The following DZIP1L variants were observed in gnomAD, a reference collection of about 807,000 sequenced individuals.
DZIP1L encodes DAZ interacting zinc finger protein 1 like, also known as cilium assembly protein DZIP1L.
In DZIP1L, 90 loss-of-function variants were observed where a neutral mutation model predicts 88.7. The ratio of observed to expected loss-of-function variants is 1.02; its 90% CI spans 0.86 to 1.21. The LOEUF is 1.21. DZIP1L is among the 50% of genes most tolerant of loss of function. The probability of loss-of-function intolerance (pLI) is 0.00; values close to 1 mark genes in which losing one functional copy is unlikely to be tolerated. For missense variants in DZIP1L, 932 were observed against 955.8 expected, an observed-to-expected ratio of 0.98 and a Z score of 0.33; for synonymous variants, 363 against 372.1, an observed-to-expected ratio of 0.98 and a Z score of 0.28.
chr3:138,063,281 G>A lies in DZIP1L; in HGVS notation c.2143-304C>T, dbSNP rs1163453068. ...TTGCTCTCATTTTCACTTCAACTTT[G>A]GGCAGATTTTTAACTCCCTCTTGGA... On this transcript the variant is annotated intron_variant, in intron 15 of 15. Transcript: ENST00000327532. The surrounding 1 kb of genome is among the most constrained non-coding windows in gnomAD (Gnocchi z 4.1). Among the ~76,000 whole-genome samples, 1 of 152,150 alleles carries A rather than the reference G, an allele frequency of 6.6e-6. No homozygotes were observed. Among genetic ancestry groups the A allele is most frequent in the Non-Finnish European group, 1.5e-5 (1 of 68,026 alleles).
chr3:138,086,891 T>G, intron 7 of DZIP1L, 70 bp downstream of exon 7: 1 of 1,524,544 alleles, frequency 6.6e-7, no homozygotes, highest in Non-Finnish European at 9.0e-7. Flanking sequence ...TGAGGGGGCG[T>G]GGAGAATGCT....
chr3:138,101,133 C>T (rs1210553615), intron 2 of DZIP1L, among the ~76,000 whole-genome samples: 2 of 152,136 alleles, frequency 1.3e-5, no homozygotes, highest in Non-Finnish European at 2.9e-5. Flanking sequence ...CCTTCTTCTA[C>T]ATACTCATCC....
intron 11 of DZIP1L, 21 bp downstream of exon 11, chr3:138,077,478 A>T: frequency 6.2e-7 from 1 of 1,613,732 alleles, no homozygotes; most frequent in South Asian, 1.1e-5. Flanking sequence ...CAGCCCTTAA[A>T]ACGATGGCCC....
At chr3:138,075,376 C>T (rs1055721897) in intron 11 of DZIP1L, among the ~76,000 whole-genome samples, 2 of 152,186 alleles carry the variant, frequency 1.3e-5, no homozygotes, top group Non-Finnish European at 2.9e-5. Flanking sequence ...GCACATGGAA[C>T]ATTCTCCAAG....
rs772886047 is a variant in DZIP1L at position 138,103,737 on chromosome 3, C to A, written c.235G>T (p.Val79Leu). The change falls in exon 2 of 16, where the codon GTG (valine) becomes TTG (leucine). Residue 79 changes from valine to leucine, a missense_variant. Physicochemically the swap from Val to Leu is conservative, Grantham distance 32. Coordinates refer to ENST00000327532, the MANE Select transcript of DZIP1L (RefSeq NM_173543.3). ...AGCACCTTGAGCAGTGCCGGGTCCA[C>A]AGGCTGCCCACAGCGGCTGCACACC... Reference protein sequence around the residue: ...REVCSRCGQPVDPALLKVLRL... With the variant: ...REVCSRCGQPLDPALLKVLRL... 8.1e-6 allele frequency: 13 copies of A among 1,613,740 alleles called. No homozygotes were observed. The highest frequency in any genetic ancestry group is 1.1e-5 in the Non-Finnish European group (13 of 1,180,040).
chr3:138,097,802 C>T lies in DZIP1L; in HGVS notation c.547G>A (p.Gly183Ser), dbSNP rs1354250404. ...KTFMNATFLR[G>S]HIQRRHAGVA... The stretch of plus-strand genomic sequence containing the variant: ...CCTGCATGCCTGCGCTGGATGTGGC[C>T]CCGGAGAAAGGTGGCATTCATGAAT... Residue 183 changes from glycine to serine, a missense_variant, in exon 3 of 16, where the codon GGC (glycine) becomes AGC (serine). Transcript: ENST00000327532. The T allele has an allele frequency of 6.2e-7, 1 of 1,613,222 alleles. No homozygotes were observed. The highest frequency in any genetic ancestry group is 8.5e-7 in the Non-Finnish European group (1 of 1,179,696).
chr3:138,083,913 G>A (rs555792543), intron 8 of DZIP1L, among the ~76,000 whole-genome samples, 200 bp downstream of exon 8: 419 of 152,234 alleles, frequency 2.8e-3, no homozygotes, highest in African/African-American at 9.0e-3. Context: ...AGCCCCTAAG[G>A]AGATGGCACA....
intron 15 of DZIP1L, 34 bp downstream of exon 15, chr3:138,064,594 T>A (rs1439839465): frequency 6.2e-7 from 1 of 1,614,090 alleles, no homozygotes; most frequent in Non-Finnish European, 8.5e-7. Flanking sequence ...CTGTAGAGAA[T>A]TCCAGAGTAA....
Position 138,115,562 on chromosome 3 carries a change from G to T in DZIP1L, c.-316C>A, listed in dbSNP as rs1049576356. ...CCCACTCCAGTGCCGCCAACCTGCG[G>T]GACCGCGGACAGAGAGCTCCTCGGT... On this transcript the variant is annotated 5_prime_UTR_variant, in exon 1 of 16. Transcript: ENST00000327532. 2 of 152,198 alleles carry T rather than the reference G, an allele frequency of 1.3e-5. No homozygotes were observed. The highest frequency in any genetic ancestry group is 4.8e-5 in the African/African-American group (2 of 41,438). 9.4% of individuals were successfully genotyped at this position (152,198 alleles called of 1,614,324 possible).
rs377337730 is a variant in DZIP1L, at chr3:138,067,659, C to A, written c.1874G>T (p.Arg625Leu). 6.2e-7 allele frequency: 1 copy of A among 1,607,578 alleles called. No individual in the cohort carries two copies. Among genetic ancestry groups the A allele is most frequent in the South Asian group, 1.1e-5 (1 of 89,896 alleles). The change falls in exon 14 of 16, where the codon CGT becomes CTT. Residue 625 changes from arginine (R) to leucine (L), a missense_variant. Transcript: ENST00000327532. ...FSSEEDSEGD[R>L]VQRVSLQPPK... Reference sequence around the variant, plus strand: ...GGGCTGTAGAGACACACGCTGCACACGGTCTCCCTCTGAGTCCTCTTCAGA... The same window carrying A: ...GGGCTGTAGAGACACACGCTGCACAAGGTCTCCCTCTGAGTCCTCTTCAGA...
In DZIP1L at chr3:138,101,667, A is replaced by G. The variant is rs966085532; in HGVS notation, c.501+1804T>C. 5 of 798,220 alleles carry G rather than the reference A, an allele frequency of 6.3e-6. No individual in the cohort carries two copies. In the African/African-American group the frequency reaches 6.7e-5, roughly 11 times the overall value. 49.4% of individuals were successfully genotyped at this position (798,220 alleles called of 1,614,324 possible). On this transcript the variant is annotated intron_variant, in intron 2 of 15. Transcript: ENST00000327532. ...TGAGGCCCCCATAGGCCGAGCTCAG[A>G]CCACCTGCATAGCCGCTGGTGGTCT...
intron 14 of DZIP1L, 141 bp from the exon 15 acceptor site, chr3:138,064,908 A>G (rs1294516178): frequency 1.6e-6 from 2 of 1,264,364 alleles, no homozygotes; most frequent in Non-Finnish European, 2.2e-6. Flanking sequence ...GCAACCACAA[A>G]AAAGGAGACA....
chr3:138,095,062 GCC>G, intron 3 of DZIP1L, 79 bp from the exon 4 acceptor site: 1 of 1,593,622 alleles, frequency 6.3e-7, no homozygotes, highest in Non-Finnish European at 8.5e-7. Flanking sequence ...TTGTCAATCA[GCC>G]ATACCTCGGT....
intron 1 of DZIP1L, among the ~76,000 whole-genome samples, chr3:138,111,066 C>T (rs1462506388): frequency 2.0e-5 from 3 of 152,146 alleles, no homozygotes; most frequent in Non-Finnish European, 2.9e-5. Context: ...CTCCTTCCTC[C>T]CCCACTCCCC....
In DZIP1L at chr3:138,075,829, C is replaced by T. The variant is rs1296573870; in HGVS notation, c.1422+1670G>A. Reference sequence around the variant, plus strand: ...CCCGTCTCTACTGGGTGGGGTGGCACGTGCCTGTAATCCCAGCTACTCAGG... The same window carrying T: ...CCCGTCTCTACTGGGTGGGGTGGCATGTGCCTGTAATCCCAGCTACTCAGG... On this transcript the variant is annotated intron_variant, in intron 11 of 15. Transcript: ENST00000327532. Among the ~76,000 whole-genome samples, 3 of 152,104 alleles carry T rather than the reference C, an allele frequency of 2.0e-5. No individual in the cohort carries two copies. The East Asian group carries it at 5.8e-4, about 29-fold the overall frequency.
chr3:138,064,304 G>A, intron 15 of DZIP1L: 1 of 1,178,798 alleles, frequency 8.5e-7, no homozygotes, highest in South Asian at 1.6e-5. Context: ...GATGAGACCG[G>A]GCTGGAAGAG....
chr3:138,103,474 G>T lies in DZIP1L; in HGVS notation c.498C>A (p.His166Gln). 6.3e-7 allele frequency: 1 copy of T among 1,598,268 alleles called. No homozygotes were observed. The change falls in exon 2 of 16, where the codon CAC (histidine) becomes CAA (glutamine). Residue 166 changes from histidine (H) to glutamine (Q), a missense_variant. Physicochemically the swap from His to Gln is conservative, Grantham distance 24. Transcript: ENST00000327532. ...LLMQTGTHSY[H>Q]TCHLCDKTFM... is the part of the protein sequence containing the mutation. ...CTGCCTGGTGGAGATTCCTCACCGTGTGGTAGCTGTGGGTGCCTGTCTGCA... is the reference window on the plus strand; with the variant it reads ...CTGCCTGGTGGAGATTCCTCACCGTTTGGTAGCTGTGGGTGCCTGTCTGCA...
intron 12 of DZIP1L, among the ~76,000 whole-genome samples, chr3:138,068,798 C>G (rs1943038252): frequency 6.6e-6 from 1 of 152,220 alleles, no homozygotes; most frequent in Non-Finnish European, 1.5e-5. Context: ...CCATCAAGAT[C>G]CACTCAAACC....
In DZIP1L at chr3:138,103,862, C is replaced by A. The variant is rs758730826; in HGVS notation, c.110G>T (p.Arg37Leu). ...QPRHDSMDWRRISTLDVDRVA... is the reference protein window; with the variant it reads ...QPRHDSMDWRLISTLDVDRVA... ...GCGGTCTACATCCAGGGTGCTAATG[C>A]GTCTCCAGTCCATGCTATCATGGCG... The change falls in exon 2 of 16, where the codon CGC (arginine) becomes CTC (leucine). Residue 37 changes from arginine (R) to leucine (L), a missense_variant. Coordinates refer to ENST00000327532, the MANE Select transcript of DZIP1L (RefSeq NM_173543.3). 1.2e-6 allele frequency: 2 copies of A among 1,614,102 alleles called. No homozygotes were observed. The highest frequency in any genetic ancestry group is 2.2e-5 in the South Asian group (2 of 91,088).
Sources: gnomAD v4.1 joint callset for allele counts (sites outside exome capture counted in the v4.1 genomes callset) on GRCh38, gnomAD v4.1.1 for gene constraint, Gnocchi (gnomAD v3.1) non-coding constraint, MANE v1.5 for transcripts, NCBI Gene and HGNC (gene_info 2026-07-23, HGNC 2026-07-21) for gene names.